PPARGC1A: variants seen among roughly 807,000 people sequenced by gnomAD.
PPARGC1A encodes the protein PPARG coactivator 1 alpha, also known as peroxisome proliferator-activated receptor gamma coactivator 1-alpha.
A neutral mutation model predicts 88.7 loss-of-function variants in PPARGC1A; 25 were observed. The observed-to-expected ratio is 0.28, with a 90% CI of 0.21 to 0.39. The LOEUF is 0.39. Among genes scored for constraint, PPARGC1A ranks in the 10% least tolerant of loss-of-function variants. PPARGC1A has a pLI of 1.00. For synonymous variants in PPARGC1A, 363 were observed against 355.6 expected, an observed-to-expected ratio of 1.02 and a Z score of -0.24; for missense variants, 880 against 968.7, an observed-to-expected ratio of 0.91 and a Z score of 1.22.
chr4:24,132,460 C>G, the PPARGC1A span, among the ~76,000 whole-genome samples: 1 of 152,186 alleles, frequency 6.6e-6, no homozygotes, highest in African/African-American at 2.4e-5. Flanking sequence ...CAGTGCAGAA[C>G]TCTCGAGTAA....
the PPARGC1A span, among the ~76,000 whole-genome samples, chr4:23,926,657 C>G: frequency 2.0e-5 from 3 of 152,202 alleles, no homozygotes; most frequent in Admixed American, 2.0e-4. Flanking sequence ...TTTGCTCCAG[C>G]TCTACCTGAA....
upstream of PPARGC1A, among the ~76,000 whole-genome samples, chr4:23,894,032 A>G (rs953562958): frequency 6.6e-6 from 1 of 152,156 alleles, no homozygotes; most frequent in African/African-American, 2.4e-5. Flanking sequence ...AGCTGGAAAG[A>G]GCATGCAAAT....
intron 5 of PPARGC1A, 135 bp from the exon 6 acceptor site, chr4:23,824,643 C>T (rs983728297): frequency 1.3e-6 from 1 of 781,056 alleles, no homozygotes; most frequent in South Asian, 1.8e-5. Flanking sequence ...AATATTGAAT[C>T]AAAGTCAGAC....
chr4:23,962,884 G>A, the PPARGC1A span, among the ~76,000 whole-genome samples: 1 of 152,236 alleles, frequency 6.6e-6, no homozygotes, highest in African/African-American at 2.4e-5. Flanking sequence ...TAAGCTCCAG[G>A]GACTTGAGCT....
the PPARGC1A span, among the ~76,000 whole-genome samples, chr4:24,303,911 A>T: frequency 6.6e-6 from 1 of 152,252 alleles, no homozygotes; most frequent in South Asian, 2.1e-4. Flanking sequence ...AAATGGCAGA[A>T]AGAGGGAAAA....
chr4:24,271,787 G>A, the PPARGC1A span, among the ~76,000 whole-genome samples: 1 of 152,138 alleles, frequency 6.6e-6, no homozygotes, highest in Non-Finnish European at 1.5e-5. Context: ...CCTTGGAGGG[G>A]TATTGTAACA....
intron 2 of PPARGC1A, among the ~76,000 whole-genome samples, chr4:23,873,092 G>A: frequency 6.6e-6 from 1 of 151,968 alleles, no homozygotes. Flanking sequence ...TACTCACTCA[G>A]GAGGCTGAGG....
At chr4:24,362,598 G>A in the PPARGC1A span, among the ~76,000 whole-genome samples, 1 of 152,222 alleles carries the variant, frequency 6.6e-6, no homozygotes, top group Admixed American at 6.5e-5. Flanking sequence ...GCAGTAGATA[G>A]AAGTATTTAT....
the PPARGC1A span, among the ~76,000 whole-genome samples, chr4:24,215,435 G>A: frequency 8.5e-5 from 13 of 152,120 alleles, no homozygotes; most frequent in East Asian, 2.5e-3. Flanking sequence ...GACTTTTTCG[G>A]AGAGAGAAAA....
At chr4:23,916,665 T>C in the PPARGC1A span, among the ~76,000 whole-genome samples, 1 of 152,216 alleles carries the variant, frequency 6.6e-6, no homozygotes, top group Non-Finnish European at 1.5e-5. Flanking sequence ...TTCCATTGTA[T>C]GAAAGTGCCT....
At chr4:23,906,893 A>T (rs1490082649), upstream of PPARGC1A, among the ~76,000 whole-genome samples, 1 of 152,096 alleles carries the variant, frequency 6.6e-6, no homozygotes, top group Non-Finnish European at 1.5e-5. Flanking sequence ...ATCTCCTCTC[A>T]TTTAGGAAAT....
At chr4:24,254,176 G>T in the PPARGC1A span, among the ~76,000 whole-genome samples, 7 of 152,154 alleles carry the variant, frequency 4.6e-5, no homozygotes, top group Admixed American at 1.3e-4. Context: ...GGATGGTTAC[G>T]AACTGCCTGG....
At chr4:24,328,011 C>T in the PPARGC1A span, among the ~76,000 whole-genome samples, 72,233 of 151,812 alleles carry the variant, frequency 0.48, 18,929 homozygotes, top group Admixed American at 0.65. Flanking sequence ...ACCTTGTGAC[C>T]CCTGCCCCTG....
chr4:24,159,342 C>T, the PPARGC1A span, among the ~76,000 whole-genome samples: 2 of 150,644 alleles, frequency 1.3e-5, no homozygotes, highest in African/African-American at 4.9e-5. Context: ...TCCTGAGTAG[C>T]TGGGATTATA....
At chr4:24,118,479 A>G in the PPARGC1A span, among the ~76,000 whole-genome samples, 1 of 152,156 alleles carries the variant, frequency 6.6e-6, no homozygotes, top group African/African-American at 2.4e-5. Flanking sequence ...GAAAACAGCA[A>G]TAGAATGTCA....
the PPARGC1A span, among the ~76,000 whole-genome samples, chr4:24,107,845 G>A: frequency 6.6e-6 from 1 of 152,190 alleles, no homozygotes; most frequent in Non-Finnish European, 1.5e-5. Context: ...AACCCAGGGT[G>A]ATAGAGTTTC....
the PPARGC1A span, among the ~76,000 whole-genome samples, chr4:23,995,637 G>T: frequency 2.6e-5 from 4 of 152,042 alleles, no homozygotes; most frequent in African/African-American, 9.7e-5. Context: ...CACAGGCCTG[G>T]AACCCTCATT....
intron 2 of PPARGC1A, among the ~76,000 whole-genome samples, chr4:23,874,413 G>A (rs1313152177): frequency 6.6e-6 from 1 of 152,168 alleles, no homozygotes; most frequent in Admixed American, 6.5e-5. Flanking sequence ...TGGTCTGCAT[G>A]GCAGCTGACA....
chr4:24,425,240 C>T, the PPARGC1A span, among the ~76,000 whole-genome samples: 3 of 152,132 alleles, frequency 2.0e-5, no homozygotes, highest in Non-Finnish European at 2.9e-5. Flanking sequence ...TAAAATATCA[C>T]GGGCCATAAT....
Sources: allele counts gnomAD v4.1 joint callset (sites outside exome capture counted in the v4.1 genomes callset), GRCh38; gene constraint gnomAD v4.1.1; transcripts MANE v1.5; gene names NCBI Gene and HGNC (gene_info 2026-07-23, HGNC 2026-07-21).